The following SYK variants were observed in gnomAD, a reference collection of about 807,000 sequenced individuals.
SYK encodes the protein spleen associated tyrosine kinase, also known as tyrosine-protein kinase SYK.
Under a neutral mutation model 77.8 loss-of-function variants are expected in SYK, and 16 were observed. That is an observed-to-expected ratio of 0.21 (90% confidence interval 0.14 to 0.31). The LOEUF is 0.31. Among genes scored for constraint, SYK ranks in the 10% least tolerant of loss-of-function variants. The pLI is 1.00. For synonymous variants in SYK, 312 were observed against 308.7 expected (o/e 1.01, Z -0.11); for missense variants, 529 against 814.4 (o/e 0.65, Z 4.26).
chr9:90,814,471 G>C (rs1236751127), intron 1 of SYK, among the ~76,000 whole-genome samples: 1 of 152,202 alleles, frequency 6.6e-6, no homozygotes, highest in Non-Finnish European at 1.5e-5. Flanking sequence ...GTGGGTGGAA[G>C]GTGTGTGTCA....
intron 3 of SYK, among the ~76,000 whole-genome samples, chr9:90,849,856 G>T (rs148400906): frequency 1.2e-4 from 19 of 152,348 alleles, no homozygotes; most frequent in African/African-American, 4.6e-4. Context: ...GTCATTGAGG[G>T]TTATAGAGTA....
chr9:90,884,337 A>T (rs1457102605), intron 11 of SYK, among the ~76,000 whole-genome samples: 3 of 150,238 alleles, frequency 2.0e-5, no homozygotes, highest in Non-Finnish European at 1.5e-5. Flanking sequence ...ACGTGTATAT[A>T]TACACACATA....
At chr9:90,813,081 T>G (rs1319388215) in intron 1 of SYK, among the ~76,000 whole-genome samples, 1 of 152,218 alleles carries the variant, frequency 6.6e-6, no homozygotes, top group Admixed American at 6.5e-5. Flanking sequence ...AACATTATGC[T>G]TAGTCCACCA....
chr9:90,854,426 G>C (rs1826942691), intron 3 of SYK, among the ~76,000 whole-genome samples: 1 of 152,136 alleles, frequency 6.6e-6, no homozygotes, highest in Non-Finnish European at 1.5e-5. Context: ...TGAAGAGTGA[G>C]TGAGGAGGAT....
rs1828664676 is a variant in SYK at position 90,888,529 on chromosome 9, T to C, written c.1737T>C (p.Ser579=). ...GCATGTTGTAGGGGATGAAAGGAAG[T>C]GAAGTCACCGCTATGTTAGAGAAAG... ...GQKPYRGMKG[S]EVTAMLEKGE... The change falls in exon 13 of 14, where the codon AGT becomes AGC. Residue 579 remains serine, a synonymous_variant. Transcript: ENST00000375754. 1 of 1,606,458 alleles carries C rather than the reference T, an allele frequency of 6.2e-7. No individual in the cohort carries two copies. Among genetic ancestry groups the C allele is most frequent in the Non-Finnish European group, 8.5e-7 (1 of 1,177,916 alleles).
chr9:90,895,688 C>A lies in SYK; in HGVS notation c.*88C>A. The A allele has an allele frequency of 1.6e-6, 2 of 1,281,432 alleles. No individual in the cohort carries two copies. Among genetic ancestry groups the A allele is most frequent in the Non-Finnish European group, 2.3e-6 (2 of 888,160 alleles). The allele number at this position is 1,281,432 out of a possible 1,614,324, so 79.4% of individuals were successfully genotyped here. ...AGAGGAATTGATTGTCAGCCACCTCCCTCTGCCAGTCGGGAGAGCCAGGCT... is the reference window on the plus strand; with the variant it reads ...AGAGGAATTGATTGTCAGCCACCTCACTCTGCCAGTCGGGAGAGCCAGGCT... On this transcript the variant is annotated 3_prime_UTR_variant, in exon 14 of 14. Coordinates refer to ENST00000375754, the MANE Select transcript of SYK (RefSeq NM_003177.7). This position sits in a 1 kb window ranked among gnomAD's most constrained non-coding sequence, Gnocchi z 4.4.
chr9:90,840,285 C>A (rs1325195299), intron 1 of SYK, among the ~76,000 whole-genome samples: 1 of 152,032 alleles, frequency 6.6e-6, no homozygotes, highest in African/African-American at 2.4e-5. Context: ...GCGTCTCAGG[C>A]CCTGGGTGTG....
chr9:90,835,487 T>C (rs1280849655), intron 1 of SYK, among the ~76,000 whole-genome samples: 1 of 152,156 alleles, frequency 6.6e-6, no homozygotes, highest in African/African-American at 2.4e-5. Context: ...GAAGAATGCA[T>C]TGACTTGGAG....
At chr9:90,852,616 A>G (rs4744016) in intron 3 of SYK, among the ~76,000 whole-genome samples, 55,811 of 152,182 alleles carry the variant, frequency 0.37, 11,590 homozygotes, top group Admixed American at 0.47. Flanking sequence ...CCTTTAAGAC[A>G]CATAAGTGGC....
intron 2 of SYK, 130 bp downstream of exon 2, chr9:90,844,445 T>C: frequency 1.7e-6 from 2 of 1,147,734 alleles, no homozygotes; most frequent in Non-Finnish European, 1.2e-6. Context: ...TCCTTAAGCA[T>C]CAATTTTGGC....
Position 90,887,793 on chromosome 9 carries a change from A to T in SYK, c.1626A>T (p.Glu542Asp). Reference protein sequence around the residue: ...GKWPVKWYAPECINYYKFSSK... With the variant: ...GKWPVKWYAPDCINYYKFSSK... ...GGCCTGTCAAGTGGTACGCTCCGGA[A>T]TGCATCAACTACTACAAGTTCTCCA... Residue 542 changes from glutamate to aspartate, a missense_variant, in exon 12 of 14, where the codon GAA becomes GAT. Physicochemically the swap from Glu to Asp is conservative, Grantham distance 45. Transcript: ENST00000375754. 1.2e-6 allele frequency: 2 copies of T among 1,613,740 alleles called. No homozygotes were observed. The highest frequency in any genetic ancestry group is 1.7e-6 in the Non-Finnish European group (2 of 1,179,832).
chr9:90,860,585 A>T (rs1161630385), intron 3 of SYK, among the ~76,000 whole-genome samples: 1 of 152,136 alleles, frequency 6.6e-6, no homozygotes, highest in African/African-American at 2.4e-5. Context: ...GGGAGGTTTC[A>T]GCACAGCCAC....
intron 11 of SYK, among the ~76,000 whole-genome samples, chr9:90,886,377 A>T (rs1291690807): frequency 6.6e-6 from 1 of 152,236 alleles, no homozygotes; most frequent in Non-Finnish European, 1.5e-5. Flanking sequence ...GTAAATTAGT[A>T]TAGTCACTAC....
chr9:90,839,241 C>T (rs1209547147), intron 1 of SYK, among the ~76,000 whole-genome samples: 1 of 152,134 alleles, frequency 6.6e-6, no homozygotes, highest in Non-Finnish European at 1.5e-5. Flanking sequence ...ATTAAGTAGC[C>T]CAAAAATGTG....
intron 1 of SYK, among the ~76,000 whole-genome samples, chr9:90,832,332 G>T (rs927114486): frequency 6.6e-6 from 1 of 152,270 alleles, no homozygotes; most frequent in Non-Finnish European, 1.5e-5. Flanking sequence ...ACACTATGAA[G>T]ATTTATTAGT....
chr9:90,857,445 A>C (rs1316276397), intron 3 of SYK, among the ~76,000 whole-genome samples: 1 of 152,222 alleles, frequency 6.6e-6, no homozygotes, highest in African/African-American at 2.4e-5. Flanking sequence ...GAACTAAAGC[A>C]GAGGGAGAGA....
chr9:90,892,059 A>T (rs1031942479), intron 13 of SYK, among the ~76,000 whole-genome samples: 3 of 152,238 alleles, frequency 2.0e-5, no homozygotes, highest in Non-Finnish European at 4.4e-5. Context: ...TTAACAAAAG[A>T]AAAGCTTACC....
rs537863749 is a variant in SYK at position 90,828,110 on chromosome 9, A to G, written c.-41-15748A>G. Among the ~76,000 whole-genome samples the G allele has an allele frequency of 8.5e-5, 13 of 152,178 alleles. No individual in the cohort carries two copies. The East Asian group carries it at 2.5e-3, about 29-fold the overall frequency. On this transcript the variant is annotated intron_variant, in intron 1 of 13. Coordinates refer to ENST00000375754, the MANE Select transcript of SYK (RefSeq NM_003177.7). Reference sequence around the variant, plus strand: ...GGATCCCCATAAAGATTATGCTCATAAGGTAGTGATGGAAAAGTAAAATAG... The same window carrying G: ...GGATCCCCATAAAGATTATGCTCATGAGGTAGTGATGGAAAAGTAAAATAG...
chr9:90,868,849 G>A (rs571505070), intron 7 of SYK, among the ~76,000 whole-genome samples: 1 of 152,204 alleles, frequency 6.6e-6, no homozygotes, highest in East Asian at 1.9e-4. Context: ...TACATGTGAA[G>A]GTGTTTTTTC....
Sources: gnomAD v4.1 joint callset for allele counts (sites outside exome capture counted in the v4.1 genomes callset) on GRCh38, gnomAD v4.1.1 for gene constraint, Gnocchi (gnomAD v3.1) non-coding constraint, MANE v1.5 for transcripts, NCBI Gene and HGNC (gene_info 2026-07-23, HGNC 2026-07-21) for gene names.